The following LTN1 variants were observed in gnomAD, a reference collection of about 807,000 sequenced individuals.
The protein encoded by LTN1 is listerin E3 ubiquitin protein ligase 1.
LTN1 carries 88 observed loss-of-function variants against 201.2 expected under a neutral mutation model. The observed-to-expected ratio is 0.44, with a 90% CI of 0.37 to 0.52. The LOEUF (loss-of-function observed/expected upper bound fraction) is 0.52. LTN1 is among the 20% of genes least tolerant of loss of function. The pLI is 0.00. For missense variants in LTN1, 1,752 were observed against 2,038.7 expected (o/e 0.86, Z 2.71); for synonymous variants, 645 against 713.5 (o/e 0.90, Z 1.53).
intron 16 of LTN1, 29 bp downstream of exon 16, chr21:28,956,728 ATTATG>A (rs1568843160): frequency 1.3e-5 from 14 of 1,109,876 alleles, no homozygotes; most frequent in Non-Finnish European, 1.8e-5. Context: ...TCATTCATGC[ATTATG>A]TTATATGTAA....
rs140539348 is a variant in LTN1, at chr21:28,951,652, T to C, written c.3344+508A>G. Among the ~76,000 whole-genome samples, 1,048 of 152,008 alleles carry C rather than the reference T, an allele frequency of 6.9e-3. 7 individuals carry two copies. The highest frequency in any genetic ancestry group is 0.024 in the African/African-American group (1,014 of 41,484). On this transcript the variant is annotated intron_variant, in intron 18 of 29. Transcript: ENST00000361371. ...AGTATAAAATTCTACAACAAAAGGC[T>C]ATAGAGTTAAAACTATTTACTTTAA...
intron 11 of LTN1, chr21:28,960,945 C>G (rs1248512943): frequency 1.5e-5 from 5 of 337,710 alleles, no homozygotes; most frequent in Non-Finnish European, 2.7e-5. Context: ...CCCCACCCCC[C>G]CCTTTTTTTT....
intron 17 of LTN1, 24 bp from the exon 18 acceptor site, chr21:28,952,288 A>G (rs767364944): frequency 7.2e-7 from 1 of 1,385,634 alleles, no homozygotes; most frequent in Non-Finnish European, 1.0e-6. Flanking sequence ...GAAAAAAATT[A>G]TATTCCGTTT....
At position 28,960,657 on chromosome 21, in the gene LTN1, C is replaced by A; in HGVS notation, c.2213G>T (p.Gly738Val). The A allele has an allele frequency of 6.2e-7, 1 of 1,614,020 alleles. No homozygotes were observed. Among genetic ancestry groups the A allele is most frequent in the Non-Finnish European group, 8.5e-7 (1 of 1,179,950 alleles). ...KHALVTPWLK[G>V]DILGEKLVNL... ...GACCAATTTCTCACCAAGGATATCG[C>A]CTTTGAGCCAAGGAGTTACTAAAGC... The change falls in exon 12 of 30, where the codon GGC (glycine) becomes GTC (valine). Residue 738 changes from glycine (G) to valine (V), a missense_variant. Physicochemically the swap from Gly to Val is moderately radical, Grantham distance 109 (BLOSUM62 -3). Transcript: ENST00000361371.
rs2084396104 is a variant in LTN1, at chr21:28,953,121, G to GA, written c.3239+95dup. On this transcript the variant is annotated intron_variant, in intron 17 of 29. Transcript: ENST00000361371. The stretch of plus-strand genomic sequence containing the variant: ...AATTATTTAGATCAATCCTCTGACT[G>GA]AAACATTAGCATGCAGTAGGGTTAC... 1.5e-5 allele frequency: 11 copies of GA among 754,494 alleles called. No homozygotes were observed. In the South Asian group the frequency reaches 2.4e-4, roughly 16 times the overall value. The allele number at this position is 754,494 out of a possible 1,614,324, so 46.7% of individuals were successfully genotyped here. A position where few individuals can be genotyped will look rare whatever the true frequency, so the allele number is the denominator to read the frequency against.
At chr21:28,964,895 G>C (rs1466038182) in intron 11 of LTN1, 28 of 1,279,520 alleles carry the variant, frequency 2.2e-5, no homozygotes, top group Non-Finnish European at 2.8e-5. Context: ...GGGAGAGAAG[G>C]CACTAGATAA....
intron 5 of LTN1, 41 bp downstream of exon 5, chr21:28,982,275 C>A: frequency 2.0e-6 from 3 of 1,536,876 alleles, no homozygotes; most frequent in Non-Finnish European, 2.7e-6. Flanking sequence ...ATGAGTGAAA[C>A]AAATCCTTAA....
chr21:28,941,623 G>A (rs1486827504), intron 24 of LTN1, among the ~76,000 whole-genome samples: 2 of 152,030 alleles, frequency 1.3e-5, no homozygotes, highest in Admixed American at 1.3e-4. Flanking sequence ...GACATTTTTA[G>A]AAAACGTCTC....
chr21:28,943,317 G>C lies in LTN1; in HGVS notation c.4240C>G (p.Gln1414Glu), dbSNP rs1229710174. 6.3e-7 allele frequency: 1 copy of C among 1,594,562 alleles called. No individual in the cohort carries two copies. The highest frequency in any genetic ancestry group is 8.6e-7 in the Non-Finnish European group (1 of 1,165,498). Reference protein sequence around the residue: ...MLYKLMPELPQYDQDNLKSYG... With the variant: ...MLYKLMPELPEYDQDNLKSYG... ...GACTTTAGATTATCCTGATCATACT[G>C]TGGTAATTCAGGCATCAATCTAGAA... Residue 1414 changes from glutamine (Q) to glutamate (E), a missense_variant, in exon 24 of 30, where the codon CAG (glutamine) becomes GAG (glutamate). Gln to Glu is a conservative substitution (Grantham distance 29, BLOSUM62 2). Transcript: ENST00000361371.
At chr21:28,954,913 C>A (rs989398442) in intron 16 of LTN1, among the ~76,000 whole-genome samples, 2 of 152,012 alleles carry the variant, frequency 1.3e-5, no homozygotes, top group African/African-American at 4.8e-5. Flanking sequence ...AAAGCGAAGG[C>A]AACAAAAACA....
intron 22 of LTN1, 74 bp from the exon 23 acceptor site, chr21:28,943,978 C>A: frequency 1.6e-6 from 1 of 642,832 alleles, no homozygotes; most frequent in South Asian, 1.9e-5. Context: ...CACAAACAAT[C>A]AAATGTCATT....
intron 3 of LTN1, 125 bp from the exon 4 acceptor site, chr21:28,985,047 A>AT (rs937709115): frequency 5.5e-5 from 32 of 576,892 alleles, no homozygotes; most frequent in African/African-American, 4.0e-4. Flanking sequence ...AACTGAAATC[A>AT]TTTTTTTTAA....
intron 18 of LTN1, 36 bp from the exon 19 acceptor site, chr21:28,947,642 T>C: frequency 1.5e-6 from 2 of 1,373,292 alleles, no homozygotes; most frequent in Non-Finnish European, 2.0e-6. Context: ...GTTAGATTTC[T>C]TCCAAACATA....
rs2084533856 is a variant in LTN1, at chr21:28,967,177, C to T, written c.1314G>A (p.Leu438=). 3 of 1,597,328 alleles carry T rather than the reference C, an allele frequency of 1.9e-6. No individual in the cohort carries two copies. The highest frequency in any genetic ancestry group is 1.7e-6 in the Non-Finnish European group (2 of 1,172,648). Reference sequence around the variant, plus strand: ...TGAGAACTGCATCAATAAAAGGGATCAACTGAAAGAAAAGGTAGAATATCA... The same window carrying T: ...TGAGAACTGCATCAATAAAAGGGATTAACTGAAAGAAAAGGTAGAATATCA... ...EIEQMLVNDQ[L]IPFIDAVLKD... The change falls in exon 10 of 30, where the codon TTG becomes TTA. Residue 438 remains leucine, a splice_region_variant and synonymous_variant. Coordinates refer to ENST00000361371, the MANE Select transcript of LTN1 (RefSeq NM_015565.3).
intron 22 of LTN1, 61 bp downstream of exon 22, chr21:28,944,322 G>T: frequency 1.4e-6 from 2 of 1,380,338 alleles, no homozygotes; most frequent in Non-Finnish European, 2.0e-6. Flanking sequence ...TTTTGCTTTT[G>T]AATTTTTCAG....
intron 6 of LTN1, among the ~76,000 whole-genome samples, chr21:28,972,017 T>A (rs2084578884): frequency 6.6e-6 from 1 of 152,148 alleles, no homozygotes; most frequent in Non-Finnish European, 1.5e-5. Flanking sequence ...CCAAAATTAG[T>A]ATGTTGAAAC....
At chr21:28,975,184 A>G (rs2084605322) in intron 6 of LTN1, among the ~76,000 whole-genome samples, 1 of 152,222 alleles carries the variant, frequency 6.6e-6, no homozygotes, top group Admixed American at 6.5e-5. Flanking sequence ...TTAAAAAGCT[A>G]TTAAAACTAT....
chr21:28,938,389 T>C (rs1265233030), intron 25 of LTN1, among the ~76,000 whole-genome samples: 2 of 152,172 alleles, frequency 1.3e-5, no homozygotes, highest in Non-Finnish European at 2.9e-5. Flanking sequence ...AATGTAGCAA[T>C]ATGTTAAAAG....
intron 22 of LTN1, 104 bp downstream of exon 22, chr21:28,944,279 C>A: frequency 1.2e-6 from 1 of 810,932 alleles, no homozygotes; most frequent in Admixed American, 2.4e-5. Flanking sequence ...TTTTCTTTTA[C>A]TATTTAGTAT....
Sources: allele counts gnomAD v4.1 joint callset (sites outside exome capture counted in the v4.1 genomes callset), GRCh38; gene constraint gnomAD v4.1.1; transcripts MANE v1.5; gene names NCBI Gene and HGNC (gene_info 2026-07-23, HGNC 2026-07-21).